The following TNIP3 variants were observed in gnomAD, a reference collection of about 807,000 sequenced individuals.
TNIP3 encodes TNFAIP3-interacting protein 3.
TNIP3 carries 34 observed loss-of-function variants against 54.1 expected under a neutral mutation model. The ratio of observed to expected loss-of-function variants is 0.63; its 90% CI spans 0.48 to 0.84. TNIP3 has a LOEUF of 0.84. TNIP3 is among the 40% of genes least tolerant of loss of function. The probability of loss-of-function intolerance (pLI) is 0.00; values close to 1 mark genes in which losing one functional copy is unlikely to be tolerated. For missense variants in TNIP3, 366 were observed against 387.6 expected (o/e 0.94, Z 0.47); for synonymous variants, 134 against 136.8 (o/e 0.98, Z 0.14).
upstream of TNIP3, among the ~76,000 whole-genome samples, chr4:121,165,659 TTGTGTG>T (rs67730856): frequency 5.6e-4 from 82 of 146,804 alleles, 1 homozygote; most frequent in East Asian, 6.4e-3. Context: ...TTTTGCTAGT[TTGTGTG>T]TGTGTGTGTG....
At chr4:121,148,535 C>T (rs1375892729) in intron 6 of TNIP3, among the ~76,000 whole-genome samples, 1 of 152,176 alleles carries the variant, frequency 6.6e-6, no homozygotes, top group Non-Finnish European at 1.5e-5. Context: ...GAAATCCTGG[C>T]TAGCACCAAC....
At chr4:121,173,460 T>C (rs1224931071) in intron 3 of TNIP3, among the ~76,000 whole-genome samples, 1 of 152,126 alleles carries the variant, frequency 6.6e-6, no homozygotes, top group Non-Finnish European at 1.5e-5. Context: ...AAAACTATAG[T>C]GGTTAGAAAA....
chr4:121,183,002 A>C (rs983539356), intron 2 of TNIP3, among the ~76,000 whole-genome samples: 22 of 152,194 alleles, frequency 1.4e-4, no homozygotes, highest in African/African-American at 5.3e-4. Flanking sequence ...TTCACTTACA[A>C]AGGAAGATAC....
chr4:121,175,004 T>G (rs761374270), intron 3 of TNIP3, among the ~76,000 whole-genome samples: 3 of 152,224 alleles, frequency 2.0e-5, no homozygotes, highest in Non-Finnish European at 2.9e-5. Context: ...GAGATGTCCC[T>G]AGGAGACATC....
intron 2 of TNIP3, among the ~76,000 whole-genome samples, chr4:121,212,852 A>G (rs1726551175): frequency 6.6e-6 from 1 of 152,210 alleles, no homozygotes; most frequent in Admixed American, 6.5e-5. Flanking sequence ...AGAGGCCAAA[A>G]GAATTGTAAG....
intron 3 of TNIP3, among the ~76,000 whole-genome samples, chr4:121,173,057 T>A (rs1006762754): frequency 6.6e-6 from 1 of 152,202 alleles, no homozygotes; most frequent in African/African-American, 2.4e-5. Context: ...ACAATTATGA[T>A]GTGACAAGTG....
intron 2 of TNIP3, among the ~76,000 whole-genome samples, chr4:121,205,027 G>T (rs936336115): frequency 6.6e-6 from 1 of 152,040 alleles, no homozygotes; most frequent in Non-Finnish European, 1.5e-5. Context: ...TTCATTATGG[G>T]TGTCTTTTCC....
chr4:121,219,417 G>A (rs1022126959), upstream of TNIP3, among the ~76,000 whole-genome samples: 1 of 152,116 alleles, frequency 6.6e-6, no homozygotes, highest in Non-Finnish European at 1.5e-5. Context: ...GCCGAAAGAT[G>A]TCCTCTGTTC....
At chr4:121,149,863 G>A (rs993711424) in intron 6 of TNIP3, among the ~76,000 whole-genome samples, 12 of 152,312 alleles carry the variant, frequency 7.9e-5, no homozygotes, top group African/African-American at 2.9e-4. Context: ...TCTTTTAATT[G>A]TGTGATCTTG....
rs1249346712 is a variant in TNIP3 at position 121,161,177 on chromosome 4, G to A, written c.106C>T (p.Leu36Phe). ...TCCAAACACCTTATCTTTTGTTCAA[G>A]AGAATTCATCAAGTTCTTTCTTGTT... ...PSTRKNLMNS[L>F]EQKIRCLEKQ... The change falls in exon 2 of 11, where the codon CTT becomes TTT. Residue 36 changes from leucine to phenylalanine, a missense_variant. Leu to Phe is a conservative substitution (Grantham distance 22). Transcript: ENST00000057513. 1.1e-5 allele frequency: 17 copies of A among 1,587,190 alleles called. No individual in the cohort carries two copies. Among genetic ancestry groups the A allele is most frequent in the Non-Finnish European group, 1.5e-5 (17 of 1,163,956 alleles).
intron 7 of TNIP3, among the ~76,000 whole-genome samples, chr4:121,145,497 G>A (rs1055550674): frequency 7.9e-5 from 12 of 151,770 alleles, no homozygotes; most frequent in South Asian, 2.1e-4. Context: ...AGTATACAAC[G>A]TTAAGTAGAT....
intron 3 of TNIP3, among the ~76,000 whole-genome samples, chr4:121,180,375 G>A (rs1724619550): frequency 6.6e-6 from 1 of 152,084 alleles, no homozygotes; most frequent in Non-Finnish European, 1.5e-5. Context: ...ACTCCAGCCT[G>A]GGCGACAGAG....
chr4:121,146,890 C>T (rs1420753657), intron 7 of TNIP3, among the ~76,000 whole-genome samples, 159 bp downstream of exon 7: 10 of 152,076 alleles, frequency 6.6e-5, no homozygotes, highest in Non-Finnish European at 1.5e-4. Flanking sequence ...CAGTCATTTT[C>T]ATCTCTTTAC....
intron 2 of TNIP3, among the ~76,000 whole-genome samples, chr4:121,208,781 C>T (rs532808070): frequency 2.6e-5 from 4 of 152,244 alleles, no homozygotes; most frequent in Non-Finnish European, 5.9e-5. Flanking sequence ...ATTTCTTAAG[C>T]GATAAGAATG....
At chr4:121,194,718 C>T (rs1023205918) in intron 2 of TNIP3, among the ~76,000 whole-genome samples, 4 of 152,138 alleles carry the variant, frequency 2.6e-5, no homozygotes, top group Admixed American at 2.6e-4. Flanking sequence ...TTCATCTTTG[C>T]TCTATTTAAT....
chr4:121,143,661 G>T (rs546827092), intron 7 of TNIP3, among the ~76,000 whole-genome samples: 1 of 152,314 alleles, frequency 6.6e-6, no homozygotes, highest in South Asian at 2.1e-4. Context: ...TAGGAGAAAT[G>T]TTGGGTTAAG....
chr4:121,164,396 T>C (rs1730643920), upstream of TNIP3: 3 of 1,187,428 alleles, frequency 2.5e-6, no homozygotes, highest in East Asian at 4.2e-5. Flanking sequence ...ATGTCTCAAA[T>C]AGGCAGGCCG....
At chr4:121,146,346 T>C (rs1729429078) in intron 7 of TNIP3, among the ~76,000 whole-genome samples, 2 of 152,200 alleles carry the variant, frequency 1.3e-5, no homozygotes, top group African/African-American at 4.8e-5. Flanking sequence ...CATAACAATG[T>C]TCTATTTATT....
chr4:121,159,711 A>G (rs889646357), intron 2 of TNIP3, among the ~76,000 whole-genome samples: 1 of 152,280 alleles, frequency 6.6e-6, no homozygotes, highest in African/African-American at 2.4e-5. Flanking sequence ...ATTTAGATGC[A>G]TTTTAGGCTA....
Sources: gnomAD v4.1 joint callset for allele counts (sites outside exome capture counted in the v4.1 genomes callset) on GRCh38, gnomAD v4.1.1 for gene constraint, MANE v1.5 for transcripts, NCBI Gene and HGNC (gene_info 2026-07-23, HGNC 2026-07-21) for gene names.